The following TENM4 variants were observed in gnomAD, a reference collection of about 807,000 sequenced individuals.
The protein encoded by TENM4 is teneurin transmembrane protein 4.
TENM4 carries 82 observed loss-of-function variants against 243.3 expected under a neutral mutation model. The observed-to-expected ratio is 0.34, with a 90% CI of 0.28 to 0.40. TENM4 has a LOEUF of 0.40. TENM4 is among the 10% of genes least tolerant of loss of function. The pLI is 1.00. For synonymous variants in TENM4, 1,412 were observed against 1,456.3 expected (o/e 0.97, Z 0.69); for missense variants, 3,138 against 3,673.3 (o/e 0.85, Z 3.77).
At chr11:79,265,307 C>T (rs1465102587) in intron 2 of TENM4, among the ~76,000 whole-genome samples, 2 of 152,108 alleles carry the variant, frequency 1.3e-5, no homozygotes, top group Admixed American at 6.6e-5. Context: ...TTTCACATTG[C>T]GTGATAAAGA....
rs1310417973 is a variant in TENM4, at chr11:79,064,740, G to A, written c.491C>T (p.Thr164Ile). 6.4e-7 allele frequency: 1 copy of A among 1,551,702 alleles called. No homozygotes were observed. Among genetic ancestry groups the A allele is most frequent in the East Asian group, 2.4e-5 (1 of 40,908 alleles). Residue 164 changes from threonine to isoleucine, a missense_variant and splice_region_variant, in exon 6 of 34, where the codon ACT (threonine) becomes ATT (isoleucine). Coordinates refer to ENST00000278550, the MANE Select transcript of TENM4 (RefSeq NM_001098816.3). ...CACAGACCAAACCAGCCACTCACCA[G>A]TCTCAGTGTTTTCATGCTCGGTGTC... ...LTDTEHENTE[T>I]DHPGGLQNHA...
At chr11:78,662,737 T>C (rs1858061342) in intron 32 of TENM4, among the ~76,000 whole-genome samples, 1 of 152,124 alleles carries the variant, frequency 6.6e-6, no homozygotes, top group Admixed American at 6.5e-5. Context: ...ACTATGCCGT[T>C]GAGACCCTCA....
At chr11:79,261,348 A>ATTAGACAAAT in intron 2 of TENM4, among the ~76,000 whole-genome samples, 1 of 152,192 alleles carries the variant, frequency 6.6e-6, no homozygotes, top group Non-Finnish European at 1.5e-5. Context: ...ACCCTGCTCC[A>ATTAGACAAAT]GGGGCTGTGG....
At chr11:79,122,735 C>A (rs554792437) in intron 4 of TENM4, among the ~76,000 whole-genome samples, 90 of 152,308 alleles carry the variant, frequency 5.9e-4, no homozygotes, top group Middle Eastern at 6.8e-3. Flanking sequence ...TACCCCTTGT[C>A]CACTGCCCAC....
Position 79,365,014 on chromosome 11 carries a change from G to C in TENM4, c.-320-67471C>G, listed in dbSNP as rs575635069. On this transcript the variant is annotated intron_variant, in intron 1 of 33. Coordinates refer to ENST00000278550, the MANE Select transcript of TENM4 (RefSeq NM_001098816.3). Reference sequence around the variant, plus strand: ...CATGTTTCAAAATCTTACTAATGAGGTATTTACCTGATAATCCACAATGGC... The same window carrying C: ...CATGTTTCAAAATCTTACTAATGAGCTATTTACCTGATAATCCACAATGGC... 3.3e-5 allele frequency among the ~76,000 whole-genome samples: 5 copies of C among 152,236 alleles called. No homozygotes were observed. The South Asian group carries it at 1.0e-3, about 32-fold the overall frequency.
At chr11:78,841,614 T>C (rs1241423322) in intron 12 of TENM4, among the ~76,000 whole-genome samples, 4 of 152,090 alleles carry the variant, frequency 2.6e-5, no homozygotes, top group African/African-American at 9.7e-5. Context: ...GCCTCCCACC[T>C]TCTTCCATTA....
At chr11:78,953,909 C>T (rs1591159164) in intron 6 of TENM4, among the ~76,000 whole-genome samples, 1 of 152,214 alleles carries the variant, frequency 6.6e-6, no homozygotes, top group East Asian at 1.9e-4. Context: ...CAAGACTACA[C>T]AGCACAGACC....
At chr11:78,760,116 A>G (rs1312908554) in intron 18 of TENM4, among the ~76,000 whole-genome samples, 1 of 152,196 alleles carries the variant, frequency 6.6e-6, no homozygotes, top group Non-Finnish European at 1.5e-5. Flanking sequence ...CCTAGAGATC[A>G]GGGGTTGTCT....
chr11:79,196,461 T>C (rs569189524), intron 3 of TENM4, among the ~76,000 whole-genome samples: 1 of 152,276 alleles, frequency 6.6e-6, no homozygotes, highest in East Asian at 1.9e-4. Flanking sequence ...ACTGGTTCTA[T>C]GTCCCCTTAA....
chr11:79,391,796 A>C (rs188065994), intron 1 of TENM4, among the ~76,000 whole-genome samples: 1 of 152,338 alleles, frequency 6.6e-6, no homozygotes, highest in East Asian at 1.9e-4. Context: ...ATCTAAAAAC[A>C]AACCAAATTC....
chr11:78,924,928 C>T (rs1472021789), intron 6 of TENM4, among the ~76,000 whole-genome samples: 1 of 152,176 alleles, frequency 6.6e-6, no homozygotes, highest in African/African-American at 2.4e-5. Context: ...CCTGGTCACC[C>T]ATAACATTGG....
intron 3 of TENM4, among the ~76,000 whole-genome samples, chr11:79,187,509 G>C (rs773555552): frequency 6.6e-6 from 1 of 152,154 alleles, no homozygotes; most frequent in Admixed American, 6.5e-5. Flanking sequence ...TCAATGGATA[G>C]GCTTTATTCT....
intron 26 of TENM4, among the ~76,000 whole-genome samples, chr11:78,708,983 T>A (rs1232726565): frequency 4.8e-5 from 7 of 145,262 alleles, no homozygotes; most frequent in East Asian, 3.9e-4. Flanking sequence ...TTTTTTTTTT[T>A]TAAAAAAAGA....
chr11:79,066,430 T>C (rs527553471), intron 5 of TENM4, among the ~76,000 whole-genome samples: 2 of 151,606 alleles, frequency 1.3e-5, no homozygotes, highest in South Asian at 4.2e-4. Context: ...ATTATAATGG[T>C]GTGTCTCACT....
chr11:79,144,168 AGAC>A (rs1207268479), intron 4 of TENM4, among the ~76,000 whole-genome samples: 1 of 152,136 alleles, frequency 6.6e-6, no homozygotes, highest in East Asian at 1.9e-4. Context: ...TGTCAAAAGA[AGAC>A]ATACGGATGG....
chr11:79,256,789 T>C (rs1395361001), intron 2 of TENM4, among the ~76,000 whole-genome samples: 2 of 152,148 alleles, frequency 1.3e-5, no homozygotes, highest in Non-Finnish European at 2.9e-5. Flanking sequence ...CAGGCTTTCA[T>C]TGGGTGATAG....
At chr11:79,349,473 T>A (rs1857380171) in intron 1 of TENM4, among the ~76,000 whole-genome samples, 1 of 152,184 alleles carries the variant, frequency 6.6e-6, no homozygotes, top group African/African-American at 2.4e-5. Flanking sequence ...TATTGTTGAG[T>A]CCCCAGAATC....
chr11:79,270,710 C>A (rs896109582), intron 2 of TENM4, among the ~76,000 whole-genome samples: 3 of 152,214 alleles, frequency 2.0e-5, no homozygotes, highest in Non-Finnish European at 4.4e-5. Flanking sequence ...ACTCAACTTT[C>A]AAAGCTCTAT....
chr11:79,056,434 T>C (rs1859944674), intron 6 of TENM4, among the ~76,000 whole-genome samples: 1 of 151,940 alleles, frequency 6.6e-6, no homozygotes, highest in Non-Finnish European at 1.5e-5. Context: ...GTGCATTTAA[T>C]CTGGGCCAGG....
Sources: allele counts gnomAD v4.1 joint callset (sites outside exome capture counted in the v4.1 genomes callset), GRCh38; gene constraint gnomAD v4.1.1; transcripts MANE v1.5; gene names NCBI Gene and HGNC (gene_info 2026-07-23, HGNC 2026-07-21).